Variants in STMN1 observed in about 807,000 individuals in gnomAD.
STMN1 encodes the protein stathmin.
A neutral mutation model predicts 19.7 loss-of-function variants in STMN1; 3 were observed. That is an observed-to-expected ratio of 0.15 (90% confidence interval 0.07 to 0.39). STMN1 has a LOEUF of 0.39. STMN1 is among the 10% of genes least tolerant of loss of function. The probability of loss-of-function intolerance (pLI) is 1.00; values close to 1 mark genes in which losing one functional copy is unlikely to be tolerated. For synonymous variants in STMN1, 59 were observed against 58.9 expected, an observed-to-expected ratio of 1.00 and a Z score of -0.01; for missense variants, 99 against 176.0, an observed-to-expected ratio of 0.56 and a Z score of 2.48.
intron 4 of STMN1, among the ~76,000 whole-genome samples, chr1:25,895,016 A>G (rs548989287): frequency 1.3e-5 from 2 of 151,110 alleles, no homozygotes; most frequent in Non-Finnish European, 3.0e-5. Flanking sequence ...GACTGGGCTT[A>G]GAGGTACAGT....
At chr1:25,905,692 C>A (rs1251525627) in intron 1 of STMN1, among the ~76,000 whole-genome samples, 1 of 152,152 alleles carries the variant, frequency 6.6e-6, no homozygotes, top group Admixed American at 6.5e-5. Context: ...CTGCCTGACT[C>A]CCCCTGCGCG....
intron 4 of STMN1, among the ~76,000 whole-genome samples, chr1:25,888,042 T>A (rs1266020534): frequency 1.3e-5 from 2 of 150,060 alleles, no homozygotes; most frequent in East Asian, 3.9e-4. Context: ...GGGAGGGGGG[T>A]CAGTGAATTT....
intron 4 of STMN1, among the ~76,000 whole-genome samples, chr1:25,894,845 T>G (rs2048805035): frequency 6.6e-6 from 1 of 152,190 alleles, no homozygotes; most frequent in African/African-American, 2.4e-5. Flanking sequence ...GTGCTGGGAT[T>G]ACAGGTGTGT....
At chr1:25,903,869 C>A in intron 2 of STMN1, 56 bp from the exon 3 acceptor site, 9 of 1,524,302 alleles carry the variant, frequency 5.9e-6, no homozygotes, top group Non-Finnish European at 7.9e-6. Flanking sequence ...TTCTAATAAA[C>A]TGTACTATAA....
intron 2 of STMN1, among the ~76,000 whole-genome samples, chr1:25,904,174 G>A (rs1347240567): frequency 6.6e-6 from 1 of 151,948 alleles, no homozygotes; most frequent in Non-Finnish European, 1.5e-5. Flanking sequence ...TTGATTAGGT[G>A]GGTGTGGTGG....
At chr1:25,885,339 CT>C (rs1195852293), downstream of STMN1, 1 of 158,368 alleles carries the variant, frequency 6.3e-6, no homozygotes, top group African/African-American at 2.4e-5. Flanking sequence ...AGGAAACTCC[CT>C]TGTGTAGGGT....
chr1:25,904,629 A>G (rs1166982728), intron 2 of STMN1, 35 bp downstream of exon 2: 1 of 1,592,448 alleles, frequency 6.3e-7, no homozygotes, highest in South Asian at 1.1e-5. Context: ...TCATAAGCCC[A>G]TTACAATTTC....
downstream of STMN1, among the ~76,000 whole-genome samples, chr1:25,898,733 G>A (rs988795623): frequency 6.6e-6 from 1 of 152,202 alleles, no homozygotes; most frequent in Non-Finnish European, 1.5e-5. Flanking sequence ...AAACCACTCT[G>A]GCCTTATTAG....
chr1:25,893,729 C>T (rs192848124), intron 4 of STMN1, among the ~76,000 whole-genome samples: 277 of 152,266 alleles, frequency 1.8e-3, no homozygotes, highest in Admixed American at 3.1e-3. Flanking sequence ...TTAGCAGAGA[C>T]GGGGTTTCAC....
chr1:25,900,127 G>A lies in STMN1; in HGVS notation c.*889C>T. On this transcript the variant is annotated 3_prime_UTR_variant, in exon 5 of 5. Transcript: ENST00000455785. ...TCATTTCACAGGAGTTGCTACAGCA[G>A]TACATAAAGTTTTATTAATATTCTG... 5.1e-6 allele frequency: 5 copies of A among 985,854 alleles called. No individual in the cohort carries two copies. The South Asian group carries it at 1.9e-4, about 37-fold the overall frequency. The allele number at this position is 985,854 out of a possible 1,614,324, so 61.1% of individuals were successfully genotyped here.
At chr1:25,901,430 A>C in intron 4 of STMN1, 61 bp downstream of exon 4, 2 of 1,534,886 alleles carry the variant, frequency 1.3e-6, no homozygotes, top group Non-Finnish European at 8.8e-7. Flanking sequence ...CACTTAGTTC[A>C]AGCCAACTCA....
At chr1:25,899,473 T>C (rs926544067), downstream of STMN1, among the ~76,000 whole-genome samples, 1 of 152,230 alleles carries the variant, frequency 6.6e-6, no homozygotes, top group Admixed American at 6.5e-5. Context: ...TACTTGCACT[T>C]GCTCCTATTT....
chr1:25,897,723 G>T (rs1269391846), downstream of STMN1, among the ~76,000 whole-genome samples: 1 of 152,150 alleles, frequency 6.6e-6, no homozygotes, highest in African/African-American at 2.4e-5. Context: ...CCTGTGCAGG[G>T]CTTAGAGCAG....
intron 4 of STMN1, among the ~76,000 whole-genome samples, chr1:25,890,022 TC>T (rs527248644): frequency 8.0e-4 from 122 of 152,148 alleles, no homozygotes; most frequent in African/African-American, 2.8e-3. Flanking sequence ...GTCTGTCTTC[TC>T]CCCCCAGGAT....
chr1:25,897,311 G>GAAA (rs745773752), downstream of STMN1, among the ~76,000 whole-genome samples: 135 of 94,146 alleles, frequency 1.4e-3, 2 homozygotes, highest in African/African-American at 4.5e-3. Context: ...AGACTGTCTC[G>GAAA]AAAAAAAAAA....
downstream of STMN1, among the ~76,000 whole-genome samples, chr1:25,897,311 GAAA>G (rs745773752): frequency 1.8e-4 from 17 of 94,144 alleles, no homozygotes; most frequent in Middle Eastern, 7.9e-3. Flanking sequence ...AGACTGTCTC[GAAA>G]AAAAAAAAAA....
rs1572302487 is a variant in STMN1, at chr1:25,901,078, T to C, written c.388A>G (p.Ile130Val). ...LERLREKDKH[I>V]EEVRKNKESK... The stretch of plus-strand genomic sequence containing the variant: ...TCTTTGTTCTTCCGCACTTCTTCAA[T>C]GTGCTTATCCTGTAAAGGAAGGGTA... Residue 130 changes from isoleucine to valine, a missense_variant, in exon 5 of 5, where the codon ATT becomes GTT. Coordinates refer to ENST00000455785, the MANE Select transcript of STMN1 (RefSeq NM_005563.4). 4 of 1,606,250 alleles carry C rather than the reference T, an allele frequency of 2.5e-6. No individual in the cohort carries two copies. Among genetic ancestry groups the C allele is most frequent in the Non-Finnish European group, 3.4e-6 (4 of 1,179,016 alleles).
chr1:25,886,002 T>A, intron 4 of STMN1: 2 of 1,256,450 alleles, frequency 1.6e-6, no homozygotes, highest in Non-Finnish European at 2.1e-6. Context: ...CAGGGATCTT[T>A]AAAAAATACT....
downstream of STMN1, among the ~76,000 whole-genome samples, chr1:25,899,847 A>G (rs1449942901): frequency 6.6e-6 from 1 of 152,192 alleles, no homozygotes; most frequent in Non-Finnish European, 1.5e-5. Context: ...ACCCCACCGC[A>G]GTATTAGCAA....
Sources: allele counts gnomAD v4.1 joint callset (sites outside exome capture counted in the v4.1 genomes callset), GRCh38; gene constraint gnomAD v4.1.1; transcripts MANE v1.5; gene names NCBI Gene and HGNC (gene_info 2026-07-23, HGNC 2026-07-21).